PCDHB15: variants seen among roughly 807,000 people sequenced by gnomAD.
The protein encoded by PCDHB15 is protocadherin beta-15.
For synonymous variants in PCDHB15, 492 were observed against 447.9 expected (o/e 1.10, Z -1.24); for missense variants, 1,032 against 991.7 (o/e 1.04, Z -0.55).
Position 141,245,500 on chromosome 5 carries a change from C to A in PCDHB15, c.-79C>A, listed in dbSNP as rs1185712909. The A allele has an allele frequency of 1.3e-5, 16 of 1,234,164 alleles. No homozygotes were observed. The highest frequency in any genetic ancestry group is 1.6e-5 in the Non-Finnish European group (14 of 868,522). The allele number at this position is 1,234,164 out of a possible 1,614,324, so 76.5% of individuals were successfully genotyped here. A position where few individuals can be genotyped will look rare whatever the true frequency, so the allele number is the denominator to read the frequency against. ...CCGAACAGGTTATCAACGCACAGAT[C>A]GATCACTGCCTCTGTCCCATCGCTC... On this transcript the variant is annotated 5_prime_UTR_variant, in exon 1 of 1. Transcript: ENST00000231173.
rs782228787 is a variant in PCDHB15, at chr5:141,246,370, C to T, written c.792C>T (p.Val264=). The change falls in exon 1 of 1, where the codon GTC becomes GTT. Residue 264 remains valine (V), a synonymous_variant. Transcript: ENST00000231173. ...CAGTAGGCTCCCTAGTTGTCAAGGTCTCTGCTAGGGATTTAGACACTGGGA... is the reference window on the plus strand; with the variant it reads ...CAGTAGGCTCCCTAGTTGTCAAGGTTTCTGCTAGGGATTTAGACACTGGGA... ...NSPVGSLVVK[V]SARDLDTGTN... is the part of the protein sequence containing the mutation. 53 of 1,613,910 alleles carry T rather than the reference C, an allele frequency of 3.3e-5. No homozygotes were observed. The highest frequency in any genetic ancestry group is 3.3e-4 in the Middle Eastern group (2 of 6,084).
rs996640220 is a variant in PCDHB15, at chr5:141,248,621, G to A, written c.*679G>A. ...TGTTATGATCCTATTGGGGGGACTG[G>A]ACAGGCTTTCTAATACCCAGATTTA... On this transcript the variant is annotated 3_prime_UTR_variant, in exon 1 of 1. Coordinates refer to ENST00000231173, the MANE Select transcript of PCDHB15 (RefSeq NM_018935.4). The A allele has an allele frequency of 1.5e-4, 23 of 152,190 alleles. No individual in the cohort carries two copies. The highest frequency in any genetic ancestry group is 6.5e-4 in the Admixed American group (10 of 15,280). 9.4% of individuals were successfully genotyped at this position (152,190 alleles called of 1,614,324 possible).
In PCDHB15 at chr5:141,246,581, G is replaced by A; in HGVS notation, c.1003G>A (p.Val335Ile). Residue 335 changes from valine (V) to isoleucine (I), a missense_variant, in exon 1 of 1, where the codon GTT (valine) becomes ATT (isoleucine). Coordinates refer to ENST00000231173, the MANE Select transcript of PCDHB15 (RefSeq NM_018935.4). ...ACTTTCTGGAAAATGCTCTGTCTCT[G>A]TTAAGGTGCTGGATGTTAACGATAA... ...GGLSGKCSVS[V>I]KVLDVNDNFP... 1 of 1,614,204 alleles carries A rather than the reference G, an allele frequency of 6.2e-7. No individual in the cohort carries two copies. Among genetic ancestry groups the A allele is most frequent in the Non-Finnish European group, 8.5e-7 (1 of 1,180,046 alleles).
chr5:141,245,476 C>T lies in PCDHB15; in HGVS notation c.-103C>T, dbSNP rs1412484751. 16 of 971,630 alleles carry T rather than the reference C, an allele frequency of 1.6e-5. No homozygotes were observed. The East Asian group carries it at 3.2e-4, about 19-fold the overall frequency. The allele number at this position is 971,630 out of a possible 1,614,324, so 60.2% of individuals were successfully genotyped here. A position where few individuals can be genotyped will look rare whatever the true frequency, so the allele number is the denominator to read the frequency against. ...GGAGAATGCTATTCTCCTACATTTC[C>T]GAACAGGTTATCAACGCACAGATCG... On this transcript the variant is annotated 5_prime_UTR_variant, in exon 1 of 1. Coordinates refer to ENST00000231173, the MANE Select transcript of PCDHB15 (RefSeq NM_018935.4).
chr5:141,246,699 ACT>A lies in PCDHB15; in HGVS notation c.1124_1125del (p.Ser375TrpfsTer13). On this transcript the variant is annotated frameshift_variant, in exon 1 of 1. Coordinates refer to ENST00000231173, the MANE Select transcript of PCDHB15 (RefSeq NM_018935.4). LOFTEE classifies it low-confidence loss of function (END_TRUNC). Reference sequence around the variant, plus strand: ...GCCCTGTTTAGGATTAGAGACCGAGACTCTGGGGAAAATGGAAAAATGATTTG... The same window carrying A: ...GCCCTGTTTAGGATTAGAGACCGAGACTGGGGAAAATGGAAAAATGATTTG... 6.2e-7 allele frequency: 1 copy of A among 1,614,062 alleles called. No homozygotes were observed. The highest frequency in any genetic ancestry group is 1.1e-5 in the South Asian group (1 of 91,070).
rs782200710 is a variant in PCDHB15, at chr5:141,245,545, C to T, written c.-34C>T. On this transcript the variant is annotated 5_prime_UTR_variant, in exon 1 of 1. Transcript: ENST00000231173. ...TCGCTCCCTGAAGTAGCTCTGACTC[C>T]GGTTCCTTGAAAGGGGCGTGTACAG... The T allele has an allele frequency of 6.3e-7, 1 of 1,589,444 alleles. No individual in the cohort carries two copies. Among genetic ancestry groups the T allele is most frequent in the Non-Finnish European group, 8.6e-7 (1 of 1,162,844 alleles).
chr5:141,247,716 T>C lies in PCDHB15; in HGVS notation c.2138T>C (p.Leu713Pro). 6.2e-7 allele frequency: 1 copy of C among 1,613,440 alleles called. No individual in the cohort carries two copies. The highest frequency in any genetic ancestry group is 1.1e-5 in the South Asian group (1 of 91,082). ...GTGTTCCTGTTCGTGGCAGTGCGGC[T>C]GTGCAGGAGGAGCAGGGCGGCCTCA... is the stretch of plus-strand genomic sequence containing the variant. Reference protein sequence around the residue: ...FSVFLFVAVRLCRRSRAASVG... With the variant: ...FSVFLFVAVRPCRRSRAASVG... Residue 713 changes from leucine (L) to proline (P), a missense_variant, in exon 1 of 1, where the codon CTG becomes CCG. Coordinates refer to ENST00000231173, the MANE Select transcript of PCDHB15 (RefSeq NM_018935.4).
chr5:141,246,619 A>G lies in PCDHB15; in HGVS notation c.1041A>G (p.Leu347=), dbSNP rs1554291972. 1 of 1,614,092 alleles carries G rather than the reference A, an allele frequency of 6.2e-7. No individual in the cohort carries two copies. Among genetic ancestry groups the G allele is most frequent in the Admixed American group, 1.7e-5 (1 of 60,002 alleles). The stretch of plus-strand genomic sequence containing the variant: ...ATGTTAACGATAACTTCCCGGAACT[A>G]AGTATTTCATCACTTACCAGCCCTA... ...VLDVNDNFPE[L]SISSLTSPIP... Residue 347 remains leucine, a synonymous_variant, in exon 1 of 1, where the codon CTA becomes CTG. Transcript: ENST00000231173.
chr5:141,245,941 A>G lies in PCDHB15; in HGVS notation c.363A>G (p.Leu121=). Residue 121 remains leucine (L), a synonymous_variant, in exon 1 of 1, where the codon CTA becomes CTG. Transcript: ENST00000231173. ...KKPLEVFRAE[L]LVTDINDHSP... ...CTTTGGAAGTATTTCGAGCTGAACT[A>G]CTAGTGACAGACATAAACGATCATT... The G allele has an allele frequency of 1.9e-6, 3 of 1,614,178 alleles. No individual in the cohort carries two copies. The highest frequency in any genetic ancestry group is 2.2e-5 in the East Asian group (1 of 44,888).
rs146774238 is a variant in PCDHB15 at position 141,245,931 on chromosome 5, G to A, written c.353G>A (p.Arg118Gln). 2.5e-6 allele frequency: 4 copies of A among 1,613,946 alleles called. No individual in the cohort carries two copies. The highest frequency in any genetic ancestry group is 2.7e-5 in the African/African-American group (2 of 74,902). ...VLLKKPLEVF[R>Q]AELLVTDIND... ...CTGAAAAAACCTTTGGAAGTATTTC[G>A]AGCTGAACTACTAGTGACAGACATA... The change falls in exon 1 of 1, where the codon CGA becomes CAA. Residue 118 changes from arginine to glutamine, a missense_variant. Arg to Gln is a conservative substitution (Grantham distance 43, BLOSUM62 1). Transcript: ENST00000231173.
rs1554292241 is a variant in PCDHB15, at chr5:141,247,468, G to T, written c.1890G>T (p.Leu630=). ...GCGAGGTGCGCACCGCCAGGCTGCT[G>T]AGCGAGCGCGACGTGGCCAAGCACA... The part of the protein sequence containing the change: ...HNGEVRTARL[L]SERDVAKHRL... The change falls in exon 1 of 1, where the codon CTG becomes CTT. Residue 630 remains leucine (L), a synonymous_variant. Transcript: ENST00000231173. 1 of 1,608,208 alleles carries T rather than the reference G, an allele frequency of 6.2e-7. No individual in the cohort carries two copies. The highest frequency in any genetic ancestry group is 8.5e-7 in the Non-Finnish European group (1 of 1,179,696).
Position 141,247,048 on chromosome 5 carries a change from G to A in PCDHB15, c.1470G>A (p.Leu490=). Reference sequence around the variant, plus strand: ...CCAACGCCCAGGTCACCTACTCGCTGCTGCCGCCCCGGGACCCGCACCTGC... The same window carrying A: ...CCAACGCCCAGGTCACCTACTCGCTACTGCCGCCCCGGGACCCGCACCTGC... ...SGTNAQVTYS[L]LPPRDPHLPL... The change falls in exon 1 of 1, where the codon CTG becomes CTA. Residue 490 remains leucine, a synonymous_variant. Coordinates refer to ENST00000231173, the MANE Select transcript of PCDHB15 (RefSeq NM_018935.4). 6.2e-7 allele frequency: 1 copy of A among 1,613,742 alleles called. No individual in the cohort carries two copies. Among genetic ancestry groups the A allele is most frequent in the Non-Finnish European group, 8.5e-7 (1 of 1,180,030 alleles).
At position 141,247,163 on chromosome 5, in the gene PCDHB15, T is replaced by C. The variant is rs142756717; in HGVS notation, c.1585T>C (p.Phe529Leu). The part of the protein sequence containing the change: ...LDYEALQAFE[F>L]RVGATDRGFP... ...CTACGAGGCCCTGCAGGCTTTCGAG[T>C]TCCGCGTGGGCGCCACAGACCGCGG... The change falls in exon 1 of 1, where the codon TTC becomes CTC. Residue 529 changes from phenylalanine to leucine, a missense_variant. By Grantham distance (22) the Phe-to-Leu change is conservative (BLOSUM62 0). Coordinates refer to ENST00000231173, the MANE Select transcript of PCDHB15 (RefSeq NM_018935.4). The C allele has an allele frequency of 3.8e-4, 612 of 1,613,522 alleles. 4 individuals are homozygous for C. The African/African-American group carries it at 7.4e-3, about 20-fold the overall frequency.
rs140127772 is a variant in PCDHB15 at position 141,247,708 on chromosome 5, A to G, written c.2130A>G (p.Ala710=). 18,794 of 1,612,926 alleles carry G rather than the reference A, an allele frequency of 0.012. 138 individuals are homozygous for G. Among genetic ancestry groups the G allele is most frequent in the Non-Finnish European group, 0.013 (15,625 of 1,179,976 alleles). ...TCTTCTCGGTGTTCCTGTTCGTGGCAGTGCGGCTGTGCAGGAGGAGCAGGG... is the reference window on the plus strand; with the variant it reads ...TCTTCTCGGTGTTCCTGTTCGTGGCGGTGCGGCTGTGCAGGAGGAGCAGGG... ...LFLFSVFLFV[A]VRLCRRSRAA... Residue 710 remains alanine (A), a synonymous_variant, in exon 1 of 1, where the codon GCA becomes GCG. Transcript: ENST00000231173.
At position 141,245,790 on chromosome 5, in the gene PCDHB15, A is replaced by C. The variant is rs1755242046; in HGVS notation, c.212A>C (p.Asn71Thr). Residue 71 changes from asparagine to threonine, a missense_variant, in exon 1 of 1, where the codon AAC becomes ACC. Asn to Thr is a moderately conservative substitution (Grantham distance 65, BLOSUM62 0). Transcript: ENST00000231173. Reference protein sequence around the residue: ...ERGARVVSEDNEQGLQLDLQT... With the variant: ...ERGARVVSEDTEQGLQLDLQT... Reference sequence around the variant, plus strand: ...GGAGCCCGGGTAGTTTCTGAGGATAACGAACAAGGCTTGCAGCTTGATCTG... The same window carrying C: ...GGAGCCCGGGTAGTTTCTGAGGATACCGAACAAGGCTTGCAGCTTGATCTG... 6.2e-7 allele frequency: 1 copy of C among 1,614,190 alleles called. No homozygotes were observed. Among genetic ancestry groups the C allele is most frequent in the Middle Eastern group, 1.6e-4 (1 of 6,062 alleles).
rs782742506 is a variant in PCDHB15 at position 141,245,758 on chromosome 5, C to T, written c.180C>T (p.Ala60=). The change falls in exon 1 of 1, where the codon GCC becomes GCT. Residue 60 remains alanine (A), a synonymous_variant. Coordinates refer to ENST00000231173, the MANE Select transcript of PCDHB15 (RefSeq NM_018935.4). ...TAGGGCTGGGAGTGGGGGAGCTAGC[C>T]GAGCGGGGAGCCCGGGTAGTTTCTG... The part of the protein sequence containing the change: ...NDLGLGVGEL[A]ERGARVVSED... The T allele has an allele frequency of 3.7e-6, 6 of 1,614,008 alleles. No individual in the cohort carries two copies. The highest frequency in any genetic ancestry group is 1.7e-5 in the Admixed American group (1 of 60,000).
At position 141,245,529 on chromosome 5, in the gene PCDHB15, G is replaced by A. The variant is rs941771217; in HGVS notation, c.-50G>A. ...CACTGCCTCTGTCCCATCGCTCCCT[G>A]AAGTAGCTCTGACTCCGGTTCCTTG... On this transcript the variant is annotated 5_prime_UTR_variant, in exon 1 of 1. The change abolishes the stop of an existing upstream ORF in the 5' untranslated region. Coordinates refer to ENST00000231173, the MANE Select transcript of PCDHB15 (RefSeq NM_018935.4). The A allele has an allele frequency of 6.5e-7, 1 of 1,531,616 alleles. No homozygotes were observed. Among genetic ancestry groups the A allele is most frequent in the African/African-American group, 1.4e-5 (1 of 73,180 alleles). The allele number at this position is 1,531,616 out of a possible 1,614,324, so 94.9% of individuals were successfully genotyped here. A position where few individuals can be genotyped will look rare whatever the true frequency, so the allele number is the denominator to read the frequency against.
At position 141,246,253 on chromosome 5, in the gene PCDHB15, C is replaced by G. The variant is rs782617420; in HGVS notation, c.675C>G (p.Thr225=). 6.2e-7 allele frequency: 1 copy of G among 1,614,120 alleles called. No individual in the cohort carries two copies. The highest frequency in any genetic ancestry group is 2.2e-5 in the East Asian group (1 of 44,866). The change falls in exon 1 of 1, where the codon ACC becomes ACG. Residue 225 remains threonine (T), a synonymous_variant. Transcript: ENST00000231173. ...VDGGSPPRSG[T]VQILILVLDA... Reference sequence around the variant, plus strand: ...GTGGCTCTCCACCCCGATCTGGCACCGTCCAGATCCTCATCTTGGTCTTGG... The same window carrying G: ...GTGGCTCTCCACCCCGATCTGGCACGGTCCAGATCCTCATCTTGGTCTTGG...
At position 141,247,153 on chromosome 5, in the gene PCDHB15, G is replaced by T. The variant is rs782776337; in HGVS notation, c.1575G>T (p.Gln525His). The change falls in exon 1 of 1, where the codon CAG (glutamine) becomes CAT (histidine). Residue 525 changes from glutamine (Q) to histidine (H), a missense_variant. By Grantham distance (24) the Gln-to-His change is conservative. Transcript: ENST00000231173. The part of the protein sequence containing the change: ...ALQSLDYEAL[Q>H]AFEFRVGATD... ...AGTCGCTGGACTACGAGGCCCTGCA[G>T]GCTTTCGAGTTCCGCGTGGGCGCCA... The T allele has an allele frequency of 6.2e-7, 1 of 1,613,798 alleles. No individual in the cohort carries two copies. The highest frequency in any genetic ancestry group is 1.7e-5 in the Admixed American group (1 of 60,030).
Sources: allele counts gnomAD v4.1 joint callset, GRCh38; gene constraint gnomAD v4.1.1; transcripts MANE v1.5; gene names NCBI Gene and HGNC (gene_info 2026-07-23, HGNC 2026-07-21).